SOX5: variants seen among roughly 807,000 people sequenced by gnomAD.
SOX5 encodes the protein SRY-box transcription factor 5, also known as transcription factor SOX-5.
In SOX5, 9 loss-of-function variants were observed where a neutral mutation model predicts 92.0. The ratio of observed to expected loss-of-function variants is 0.10; its 90% CI spans 0.06 to 0.17. SOX5 has a LOEUF of 0.17. Among genes scored for constraint, SOX5 ranks in the 10% least tolerant of loss-of-function variants. The pLI, the probability that SOX5 is intolerant of heterozygous loss-of-function variation, is 1.00. For synonymous variants in SOX5, 344 were observed against 336.3 expected (o/e 1.02, Z -0.25); for missense variants, 642 against 944.5 (o/e 0.68, Z 4.20).
intron 4 of SOX5, among the ~76,000 whole-genome samples, chr12:24,045,240 A>C (rs1430079207): frequency 6.6e-6 from 1 of 152,202 alleles, no homozygotes; most frequent in Non-Finnish European, 1.5e-5. Context: ...TAGGTTATTC[A>C]TTTATAAAAT....
chr12:24,130,068 C>T (rs1157346050), intron 4 of SOX5, among the ~76,000 whole-genome samples: 1 of 151,830 alleles, frequency 6.6e-6, no homozygotes, highest in Admixed American at 6.6e-5. Context: ...AATTATTAAT[C>T]GTGCTTGTCT....
chr12:24,318,195 C>A (rs1324128322), intron 2 of SOX5, among the ~76,000 whole-genome samples: 1 of 152,064 alleles, frequency 6.6e-6, no homozygotes, highest in African/African-American at 2.4e-5. Flanking sequence ...GGCGACAGAG[C>A]AAGACTCTGT....
chr12:23,837,961 T>A (rs1246061669), intron 3 of SOX5, among the ~76,000 whole-genome samples: 1 of 123,882 alleles, frequency 8.1e-6, no homozygotes, highest in East Asian at 2.3e-4. Flanking sequence ...ATAGTATATG[T>A]TTATATTTAT....
intron 1 of SOX5, among the ~76,000 whole-genome samples, chr12:24,413,692 G>A (rs1454133855): frequency 6.6e-6 from 1 of 152,124 alleles, no homozygotes; most frequent in Non-Finnish European, 1.5e-5. Context: ...TTTGCCAAAA[G>A]TAGCAATAGA....
intron 4 of SOX5, among the ~76,000 whole-genome samples, chr12:24,143,092 G>C (rs1240211856): frequency 6.6e-6 from 1 of 152,136 alleles, no homozygotes; most frequent in African/African-American, 2.4e-5. Context: ...GAATTCAAAA[G>C]TGTCTCACTT....
chr12:24,230,124 T>C (rs577683661), intron 3 of SOX5, among the ~76,000 whole-genome samples: 1 of 152,266 alleles, frequency 6.6e-6, no homozygotes, highest in African/African-American at 2.4e-5. Flanking sequence ...AGGCCTCCCA[T>C]GTGCTTCTAG....
chr12:24,469,764 C>T (rs1375088812), intron 1 of SOX5, among the ~76,000 whole-genome samples: 2 of 152,060 alleles, frequency 1.3e-5, no homozygotes, highest in African/African-American at 4.8e-5. Flanking sequence ...ACTGGGTATC[C>T]ACAGGGGAGG....
chr12:23,649,620 A>G (rs905714568), intron 7 of SOX5, among the ~76,000 whole-genome samples: 2 of 152,152 alleles, frequency 1.3e-5, no homozygotes, highest in Non-Finnish European at 2.9e-5. Context: ...TTTTTCAAAA[A>G]GCTAAAAAGT....
chr12:24,118,572 C>T (rs1188308058), intron 4 of SOX5, among the ~76,000 whole-genome samples: 1 of 151,518 alleles, frequency 6.6e-6, no homozygotes, highest in African/African-American at 2.4e-5. Flanking sequence ...CATGATCATA[C>T]ATCTTTAAAA....
chr12:24,281,684 A>T (rs1945218667), intron 2 of SOX5, among the ~76,000 whole-genome samples: 1 of 152,266 alleles, frequency 6.6e-6, no homozygotes, highest in Non-Finnish European at 1.5e-5. Context: ...TTGCCAATCA[A>T]TAAGCAATGC....
chr12:24,096,229 T>A (rs1330103544), intron 4 of SOX5, among the ~76,000 whole-genome samples: 1 of 152,200 alleles, frequency 6.6e-6, no homozygotes, highest in Non-Finnish European at 1.5e-5. Context: ...CAACCCATCA[T>A]CGACATTGGG....
Position 23,534,288 on chromosome 12 carries a change from CTCG to C in SOX5, c.2220_2222del (p.Asp740del). On this transcript the variant is annotated inframe_deletion, in exon 15 of 15. Coordinates refer to ENST00000451604, the MANE Select transcript of SOX5 (RefSeq NM_006940.6). ...AATCTACATCTGGATCATCCTCTTC[CTCG>C]TCGTACTCATCATAAATTTCTCCAT... 6.2e-7 allele frequency: 1 copy of C among 1,614,140 alleles called. No homozygotes were observed. The highest frequency in any genetic ancestry group is 8.5e-7 in the Non-Finnish European group (1 of 1,179,992).
chr12:24,114,340 G>A (rs1039239517), intron 4 of SOX5, among the ~76,000 whole-genome samples: 1 of 151,974 alleles, frequency 6.6e-6, no homozygotes, highest in Non-Finnish European at 1.5e-5. Flanking sequence ...ACTTCTGGAG[G>A]CTGAAGTGAG....
chr12:23,968,720 C>T (rs1947879237), intron 4 of SOX5, among the ~76,000 whole-genome samples: 1 of 152,172 alleles, frequency 6.6e-6, no homozygotes, highest in South Asian at 2.1e-4. Flanking sequence ...GACCAAGATA[C>T]TCTCCTTTAT....
At chr12:24,422,424 C>T (rs979892270) in intron 1 of SOX5, among the ~76,000 whole-genome samples, 2 of 152,064 alleles carry the variant, frequency 1.3e-5, no homozygotes, top group African/African-American at 2.4e-5. Context: ...ACTCTGCAGC[C>T]GTCTCTTCCC....
At chr12:23,972,925 C>T (rs1948506431) in intron 4 of SOX5, among the ~76,000 whole-genome samples, 1 of 152,080 alleles carries the variant, frequency 6.6e-6, no homozygotes, top group Non-Finnish European at 1.5e-5. Context: ...TCTAGTCTAA[C>T]AAATTTTGGA....
At chr12:23,775,975 G>A (rs1047623203) in intron 3 of SOX5, among the ~76,000 whole-genome samples, 1 of 152,172 alleles carries the variant, frequency 6.6e-6, no homozygotes, top group African/African-American at 2.4e-5. Context: ...AGTGGGGAAC[G>A]ATGGTTTCGA....
rs112323079 is a variant in SOX5 at position 24,249,053 on chromosome 12, A to T, written c.-77+28163T>A. Among the ~76,000 whole-genome samples the T allele has an allele frequency of 5.1e-3, 782 of 152,336 alleles. 6 individuals are homozygous for T. The highest frequency in any genetic ancestry group is 8.6e-3 in the Non-Finnish European group (588 of 68,024). ...ACGGATATATCGATACATCATGCCC[A>T]CACCACTGATCAGCTCTCTGAACTG... is the stretch of plus-strand genomic sequence containing the variant. On this transcript the variant is annotated intron_variant, in intron 3 of 4. Transcript: ENST00000446891.
At chr12:23,837,274 T>TATAA (rs1568204195) in intron 3 of SOX5, among the ~76,000 whole-genome samples, 6 of 52,774 alleles carry the variant, frequency 1.1e-4, no homozygotes, top group African/African-American at 2.8e-4. Flanking sequence ...ATATATAATA[T>TATAA]GTATTTATAT....
Sources: allele counts gnomAD v4.1 joint callset (sites outside exome capture counted in the v4.1 genomes callset), GRCh38; gene constraint gnomAD v4.1.1; transcripts MANE v1.5; gene names NCBI Gene and HGNC (gene_info 2026-07-23, HGNC 2026-07-21).